PCDHA6: variants seen among roughly 807,000 people sequenced by gnomAD.
PCDHA6 encodes the protein protocadherin alpha 6, also known as protocadherin alpha-6.
A neutral mutation model predicts 60.3 loss-of-function variants in PCDHA6; 55 were observed. The ratio of observed to expected loss-of-function variants is 0.91; its 90% CI spans 0.73 to 1.14. The LOEUF (loss-of-function observed/expected upper bound fraction) is 1.14, where lower values mean the gene tolerates loss of function less well. Among genes scored for constraint, PCDHA6 ranks in the 50% most tolerant of loss-of-function variants. The pLI is 0.00. For synonymous variants in PCDHA6, 652 were observed against 557.9 expected (o/e 1.17, Z -2.38); for missense variants, 1,327 against 1,256.5 (o/e 1.06, Z -0.85).
At chr5:140,843,143 T>A in intron 1 of PCDHA6, 1 of 1,595,956 alleles carries the variant, frequency 6.3e-7, no homozygotes, top group Non-Finnish European at 8.6e-7. Context: ...CGCGTGGCTT[T>A]CGTATGAGCT....
At chr5:140,861,641 G>T (rs193008750) in intron 1 of PCDHA6, 38 of 298,444 alleles carry the variant, frequency 1.3e-4, no homozygotes, top group Admixed American at 1.2e-3. Flanking sequence ...CAACACAAAA[G>T]AATCTGTTTC....
intron 1 of PCDHA6, among the ~76,000 whole-genome samples, chr5:140,832,431 A>AT (rs1176475006): frequency 6.6e-6 from 1 of 152,192 alleles, no homozygotes; most frequent in Non-Finnish European, 1.5e-5. Flanking sequence ...GTACATGATA[A>AT]TTTTTAAGCG....
chr5:140,952,531 C>T (rs1463200514), intron 1 of PCDHA6, among the ~76,000 whole-genome samples: 1 of 152,138 alleles, frequency 6.6e-6, no homozygotes, highest in Non-Finnish European at 1.5e-5. Context: ...CCTCCTCAGA[C>T]TGGACTTCTT....
chr5:140,896,192 C>G (rs369443676), intron 1 of PCDHA6, among the ~76,000 whole-genome samples: 1 of 152,162 alleles, frequency 6.6e-6, no homozygotes, highest in African/African-American at 2.4e-5. Context: ...TGAATAGTGC[C>G]ATGATGAACA....
rs1466426021 is a variant in PCDHA6 at position 140,917,334 on chromosome 5, G to C, written c.2395-61615G>C. On this transcript the variant is annotated intron_variant, in intron 1 of 3. Transcript: ENST00000529310. ...TTGGTGTTCATGTGGCGGGGGAGGG[G>C]GGGGATGGTGTAGGCTTCTGTTCCA... Among the ~76,000 whole-genome samples the C allele has an allele frequency of 4.7e-5, 7 of 147,744 alleles. 2 individuals carry two copies. The highest frequency in any genetic ancestry group is 1.4e-4 in the Admixed American group (2 of 14,792).
chr5:140,933,130 AAGGTAGAT>A (rs1554209200), intron 1 of PCDHA6, among the ~76,000 whole-genome samples: 1 of 151,994 alleles, frequency 6.6e-6, no homozygotes, highest in East Asian at 1.9e-4. Context: ...CTAAATAATA[AAGGTAGAT>A]AGCCACTCAT....
rs991591970 is a variant in PCDHA6, at chr5:140,855,546, A to G, written c.2394+25061A>G. Reference sequence around the variant, plus strand: ...GAAAGAGAAGTAAGTTAAGTGTCAGAACTTAAATGGAACTAAAGTTGTCAT... The same window carrying G: ...GAAAGAGAAGTAAGTTAAGTGTCAGGACTTAAATGGAACTAAAGTTGTCAT... On this transcript the variant is annotated intron_variant, in intron 1 of 3. Coordinates refer to ENST00000529310, the MANE Select transcript of PCDHA6 (RefSeq NM_018909.4). Among the ~76,000 whole-genome samples the G allele has an allele frequency of 1.2e-4, 18 of 150,024 alleles. 2 individuals carry two copies. The highest frequency in any genetic ancestry group is 1.8e-4 in the Non-Finnish European group (12 of 67,114).
chr5:140,872,338 A>G (rs970096150), intron 1 of PCDHA6, among the ~76,000 whole-genome samples: 2 of 152,156 alleles, frequency 1.3e-5, no homozygotes, highest in Non-Finnish European at 2.9e-5. Flanking sequence ...AAAATTCTAC[A>G]TGTTCTTGCC....
rs571779587 is a variant in PCDHA6 at position 140,961,550 on chromosome 5, C to CT, written c.2395-17392dup. 1.8e-3 allele frequency among the ~76,000 whole-genome samples: 273 copies of CT among 152,148 alleles called. 1 individual carries two copies. Among genetic ancestry groups the CT allele is most frequent in the Middle Eastern group, 3.4e-3 (1 of 294 alleles). ...TAGATAGACTGTTCCTGCAGCATTT[C>CT]TTTTTTTAAATTTTGTTTTGATAAG... On this transcript the variant is annotated intron_variant, in intron 1 of 3. Transcript: ENST00000529310.
At chr5:140,962,438 G>A (rs1375451859) in intron 1 of PCDHA6, among the ~76,000 whole-genome samples, 3 of 152,108 alleles carry the variant, frequency 2.0e-5, no homozygotes, top group Non-Finnish European at 2.9e-5. Context: ...CTTATCCAAA[G>A]ATGGCTTGAA....
At chr5:140,906,924 T>G (rs1244538728) in intron 1 of PCDHA6, among the ~76,000 whole-genome samples, 1 of 152,226 alleles carries the variant, frequency 6.6e-6, no homozygotes, top group African/African-American at 2.4e-5. Flanking sequence ...GCCCAAAAAG[T>G]GTCCCGGTGT....
chr5:140,841,402 G>A (rs2150314669), intron 1 of PCDHA6: 15 of 1,613,154 alleles, frequency 9.3e-6, no homozygotes, highest in Non-Finnish European at 1.3e-5. Flanking sequence ...GGAAGGTGGG[G>A]AGCGGCCAGC....
At chr5:140,856,839 AC>A (rs1220009978) in intron 1 of PCDHA6, 1 of 1,592,554 alleles carries the variant, frequency 6.3e-7, no homozygotes, top group East Asian at 2.2e-5. Context: ...ATACGGCTCA[AC>A]GCTTCTGATT....
chr5:140,928,066 G>A lies in PCDHA6; in HGVS notation c.2395-50883G>A, dbSNP rs376048656. On this transcript the variant is annotated intron_variant, in intron 1 of 3. Transcript: ENST00000529310. ...CCCTTTTCAGCTGACGGCTTCCTTT[G>A]ACAACTACTACAGCCTGCTGATTGA... 8.7e-6 allele frequency: 14 copies of A among 1,614,036 alleles called. No individual in the cohort carries two copies. In the African/African-American group the frequency reaches 1.9e-4, roughly 22 times the overall value.
intron 1 of PCDHA6, chr5:140,877,048 G>C (rs376952553): frequency 1.2e-5 from 19 of 1,612,558 alleles, no homozygotes; most frequent in African/African-American, 2.7e-5. Flanking sequence ...GCTAGACCAC[G>C]AGGAGCTGGA....
intron 1 of PCDHA6, chr5:140,856,305 A>G (rs782323132): frequency 1.9e-6 from 3 of 1,598,594 alleles, no homozygotes; most frequent in Non-Finnish European, 2.6e-6. Flanking sequence ...TTGTTTGTGA[A>G]TTCTCGGATT....
chr5:141,005,821 C>T (rs557161446), intron 3 of PCDHA6, among the ~76,000 whole-genome samples: 1 of 150,884 alleles, frequency 6.6e-6, no homozygotes, highest in African/African-American at 2.4e-5. Context: ...GGTATGGTGG[C>T]CTGTAGTCCC....
At chr5:140,927,694 G>A in intron 1 of PCDHA6, 1 of 1,614,202 alleles carries the variant, frequency 6.2e-7, no homozygotes, top group Non-Finnish European at 8.5e-7. Context: ...CAATGGGGAA[G>A]TCCAGTACTC....
At chr5:140,988,348 A>T (rs2097293800) in intron 3 of PCDHA6, among the ~76,000 whole-genome samples, 1 of 152,116 alleles carries the variant, frequency 6.6e-6, no homozygotes, top group Admixed American at 6.6e-5. Flanking sequence ...TCCTTTTAAG[A>T]TGCACTTTTA....
Sources: allele counts gnomAD v4.1 joint callset (sites outside exome capture counted in the v4.1 genomes callset), GRCh38; gene constraint gnomAD v4.1.1; transcripts MANE v1.5; gene names NCBI Gene and HGNC (gene_info 2026-07-23, HGNC 2026-07-21).